BLTP3A: variants seen among roughly 807,000 people sequenced by gnomAD.
BLTP3A encodes bridge-like lipid transfer protein family member 3A, also known as ICBP90 binding protein 1.
chr6:34,844,782 G>GT, the BLTP3A span, among the ~76,000 whole-genome samples: 5 of 152,056 alleles, frequency 3.3e-5, no homozygotes, highest in African/African-American at 1.2e-4. Flanking sequence ...GTTTGCAAAT[G>GT]TTTTCTCCCA....
Sources: allele counts gnomAD v4.1 joint callset (sites outside exome capture counted in the v4.1 genomes callset), GRCh38; gene constraint gnomAD v4.1.1; transcripts MANE v1.5; gene names NCBI Gene and HGNC (gene_info 2026-07-23, HGNC 2026-07-21).